The following ITIH5 variants were observed in gnomAD, a reference collection of about 807,000 sequenced individuals.
The protein encoded by ITIH5 is inter-alpha-trypsin inhibitor heavy chain H5.
ITIH5 carries 65 observed loss-of-function variants against 77.5 expected under a neutral mutation model. The observed-to-expected ratio is 0.84, with a 90% confidence interval of 0.69 to 1.03. The LOEUF (loss-of-function observed/expected upper bound fraction) is 1.03. Among genes scored for constraint, ITIH5 ranks in the 50% least tolerant of loss-of-function variants. ITIH5 has a pLI of 0.00. For synonymous variants in ITIH5, 525 were observed against 494.3 expected (o/e 1.06, Z -0.82); for missense variants, 1,208 against 1,213.1 (o/e 1.00, Z 0.06).
At chr10:7,610,077 T>C (rs1833213540) in intron 7 of ITIH5, among the ~76,000 whole-genome samples, 2 of 147,924 alleles carry the variant, frequency 1.4e-5, no homozygotes, top group East Asian at 2.0e-4. Context: ...TTCTTTTTTT[T>C]TTTTTTTTTT....
At chr10:7,600,433 A>G (rs935041444) in intron 7 of ITIH5, 1 of 433,730 alleles carries the variant, frequency 2.3e-6, no homozygotes, top group Non-Finnish European at 4.6e-6. Context: ...ATCTCTGAGC[A>G]CTAGGTCCCT....
At chr10:7,608,302 C>G (rs1833172534) in intron 7 of ITIH5, among the ~76,000 whole-genome samples, 1 of 152,154 alleles carries the variant, frequency 6.6e-6, no homozygotes, top group Non-Finnish European at 1.5e-5. Flanking sequence ...TTGTTTGTGA[C>G]AAGGTCTGGC....
intron 11 of ITIH5, 25 bp downstream of exon 11, chr10:7,573,117 C>T: frequency 6.2e-7 from 1 of 1,607,828 alleles, no homozygotes; most frequent in Non-Finnish European, 8.5e-7. Flanking sequence ...TCTCAATCCA[C>T]ACACAACCGC....
At chr10:7,657,336 C>G (rs945262430) in intron 1 of ITIH5, among the ~76,000 whole-genome samples, 1 of 152,088 alleles carries the variant, frequency 6.6e-6, no homozygotes, top group Admixed American at 6.5e-5. Context: ...CATGAGCCAC[C>G]GTGCCTGGCC....
intron 7 of ITIH5, among the ~76,000 whole-genome samples, chr10:7,594,808 G>A (rs1013357138): frequency 2.6e-5 from 4 of 152,168 alleles, no homozygotes; most frequent in African/African-American, 9.7e-5. Flanking sequence ...AGCAAGTCTT[G>A]GGGAGAGTGG....
intron 7 of ITIH5, among the ~76,000 whole-genome samples, chr10:7,596,185 A>T (rs1477496673): frequency 6.6e-6 from 1 of 152,176 alleles, no homozygotes; most frequent in Non-Finnish European, 1.5e-5. Flanking sequence ...GCTGCACTGG[A>T]AACAAGAGAT....
In ITIH5 at chr10:7,641,991, C is replaced by G. The variant is rs372941993; in HGVS notation, c.235G>C (p.Glu79Gln). Residue 79 changes from glutamate (E) to glutamine (Q), a missense_variant, in exon 3 of 14, where the codon GAA becomes CAA. Glu to Gln is a conservative substitution (Grantham distance 29). Transcript: ENST00000397146. ...VSCRMLNRAS[E>Q]DQDIEFQMQI... is the part of the protein sequence containing the mutation. Reference sequence around the variant, plus strand: ...ATCTGGAACTCAATGTCCTGGTCTTCAGAAGCTCTGTTCAGCATTCTGCAG... The same window carrying G: ...ATCTGGAACTCAATGTCCTGGTCTTGAGAAGCTCTGTTCAGCATTCTGCAG... 72 of 1,614,040 alleles carry G rather than the reference C, an allele frequency of 4.5e-5. No homozygotes were observed. The highest frequency in any genetic ancestry group is 1.6e-4 in the Middle Eastern group (1 of 6,084).
intron 1 of ITIH5, among the ~76,000 whole-genome samples, chr10:7,664,270 T>G (rs1430459319): frequency 6.6e-6 from 1 of 151,484 alleles, no homozygotes; most frequent in Non-Finnish European, 1.5e-5. Context: ...CATGGTGGAG[T>G]GCACCTGTAA....
intron 11 of ITIH5, chr10:7,571,826 A>G: frequency 7.1e-6 from 2 of 282,558 alleles, no homozygotes; most frequent in Non-Finnish European, 1.1e-5. Flanking sequence ...GACAAGAAAA[A>G]AAGTCCGTAC....
In ITIH5 at chr10:7,655,501, T is replaced by C. The variant is rs1834166244; in HGVS notation, c.135+130A>G. 8.4e-6 allele frequency: 6 copies of C among 711,126 alleles called. No individual in the cohort carries two copies. In the East Asian group the frequency reaches 1.0e-4, roughly 12 times the overall value. 44.1% of individuals were successfully genotyped at this position (711,126 alleles called of 1,614,324 possible). ...CTTATAAAAGACTCAACTATGCTGT[T>C]TCATCTCAGAATTTTTCTACAAGCA... On this transcript the variant is annotated intron_variant, in intron 2 of 13. Coordinates refer to ENST00000397146, the MANE Select transcript of ITIH5 (RefSeq NM_030569.7).
intron 7 of ITIH5, among the ~76,000 whole-genome samples, chr10:7,601,054 T>C (rs1267034967): frequency 1.3e-5 from 2 of 152,206 alleles, no homozygotes; most frequent in African/African-American, 4.8e-5. Flanking sequence ...CCACTAAATA[T>C]AACATTTTTT....
chr10:7,585,678 T>C (rs570495671), intron 8 of ITIH5, among the ~76,000 whole-genome samples: 1 of 152,154 alleles, frequency 6.6e-6, no homozygotes, highest in East Asian at 1.9e-4. Flanking sequence ...CAGGTTATTT[T>C]CCCCCAGAAC....
At chr10:7,564,796 A>G (rs1039749220) in intron 13 of ITIH5, among the ~76,000 whole-genome samples, 4 of 151,664 alleles carry the variant, frequency 2.6e-5, no homozygotes, top group Non-Finnish European at 4.4e-5. Flanking sequence ...ACATATATAC[A>G]GACTGTGTGT....
intron 7 of ITIH5, among the ~76,000 whole-genome samples, chr10:7,589,732 G>A (rs1832754871): frequency 6.6e-6 from 1 of 151,852 alleles, no homozygotes; most frequent in African/African-American, 2.4e-5. Context: ...TCCCATGCCT[G>A]GCTCCCACCC....
chr10:7,590,421 C>T (rs553210747), intron 7 of ITIH5, among the ~76,000 whole-genome samples: 35 of 152,346 alleles, frequency 2.3e-4, no homozygotes, highest in Non-Finnish European at 4.6e-4. Context: ...CACATCATCA[C>T]GCCTACCTAG....
At chr10:7,597,035 T>C (rs1384207418) in intron 7 of ITIH5, among the ~76,000 whole-genome samples, 3 of 8,414 alleles carry the variant, frequency 3.6e-4, no homozygotes, top group Admixed American at 4.0e-3. Flanking sequence ...GCAGAGTGAG[T>C]CTCCAACTCA....
chr10:7,625,582 T>C (rs1368965369), intron 5 of ITIH5, among the ~76,000 whole-genome samples: 1 of 151,996 alleles, frequency 6.6e-6, no homozygotes, highest in Non-Finnish European at 1.5e-5. Flanking sequence ...CTGGCCAACA[T>C]GGTGAAAACC....
intron 7 of ITIH5, among the ~76,000 whole-genome samples, chr10:7,588,498 C>CA (rs1832727366): frequency 2.0e-5 from 3 of 152,210 alleles, no homozygotes; most frequent in Admixed American, 2.0e-4. Flanking sequence ...GCCTGGGTGA[C>CA]AGAGTGAAAA....
rs200351439 is a variant in ITIH5 at position 7,643,610 on chromosome 10, C to T, written c.136-1520G>A. Among the ~76,000 whole-genome samples the T allele has an allele frequency of 5.3e-5, 8 of 152,332 alleles. No individual in the cohort carries two copies. The East Asian group carries it at 1.4e-3, about 26-fold the overall frequency. On this transcript the variant is annotated intron_variant, in intron 2 of 13. Coordinates refer to ENST00000397146, the MANE Select transcript of ITIH5 (RefSeq NM_030569.7). ...GGCTCTCAAAACATGTTGAATGCAA[C>T]TGGCTTACTCTGATAAGATTCTACT... is the stretch of plus-strand genomic sequence containing the variant.
Sources: allele counts gnomAD v4.1 joint callset (sites outside exome capture counted in the v4.1 genomes callset), GRCh38; gene constraint gnomAD v4.1.1; transcripts MANE v1.5; gene names NCBI Gene and HGNC (gene_info 2026-07-23, HGNC 2026-07-21).